DACH2: variants seen among roughly 807,000 people sequenced by gnomAD.
DACH2 encodes the protein dachshund homolog 2.
A neutral mutation model predicts 35.8 loss-of-function variants in DACH2; 17 were observed. The observed-to-expected ratio is 0.48, with a 90% confidence interval of 0.33 to 0.71. The LOEUF is 0.71. Ranked by LOEUF, DACH2 falls within the 30% of genes least tolerant of loss-of-function variation. DACH2 has a pLI of 0.02. For missense variants in DACH2, 469 were observed against 472.7 expected, an observed-to-expected ratio of 0.99 and a Z score of 0.07; for synonymous variants, 195 against 177.3, an observed-to-expected ratio of 1.10 and a Z score of -0.79.
At chrX:86,466,509 C>T (rs929393750) in intron 2 of DACH2, among the ~76,000 whole-genome samples, 6 of 111,308 alleles carry the variant, frequency 5.4e-5, no homozygotes, top group Non-Finnish European at 1.1e-4. Context: ...AATCATGCTT[C>T]CCAACAGTCC....
At chrX:86,663,148 C>T (rs1432404893) in intron 4 of DACH2, among the ~76,000 whole-genome samples, 2 of 110,957 alleles carry the variant, frequency 1.8e-5, no homozygotes, top group Non-Finnish European at 3.8e-5. Flanking sequence ...CATTGACTCT[C>T]GGAGTAAAAA....
intron 1 of DACH2, among the ~76,000 whole-genome samples, chrX:86,196,947 G>T (rs1403589327): frequency 3.6e-5 from 4 of 109,871 alleles, no homozygotes; most frequent in African/African-American, 1.0e-4. Context: ...CCATCCCGAA[G>T]ACACATAATC....
At position 86,777,062 on chromosome X, in the gene DACH2, C is replaced by T. The variant is rs1009299619; in HGVS notation, c.1241-35794C>T. Among the ~76,000 whole-genome samples, 6 of 111,576 alleles carry T rather than the reference C, an allele frequency of 5.4e-5. No individual in the cohort carries two copies. In the South Asian group the frequency reaches 2.3e-3, roughly 42 times the overall value. On this transcript the variant is annotated intron_variant, in intron 7 of 11. Coordinates refer to ENST00000373125, the MANE Select transcript of DACH2 (RefSeq NM_053281.3). Reference sequence around the variant, plus strand: ...GCAGTAAACATACGTGTGCATGTGTCTTTATAGCAGCATGATTTATAATCC... The same window carrying T: ...GCAGTAAACATACGTGTGCATGTGTTTTTATAGCAGCATGATTTATAATCC...
chrX:86,254,807 T>TATATATATATAGAGAGAGAGAGAGAG (rs1380613474), intron 1 of DACH2, among the ~76,000 whole-genome samples: 1 of 49,652 alleles, frequency 2.0e-5, no homozygotes, highest in African/African-American at 1.2e-4. Context: ...TATATATATA[T>TATATATATATAGAGAGAGAGAGAGAG]AGAGAGAGAG....
At chrX:86,195,164 C>T (rs1262140575) in intron 1 of DACH2, among the ~76,000 whole-genome samples, 1 of 112,479 alleles carries the variant, frequency 8.9e-6, no homozygotes, top group African/African-American at 3.2e-5. Context: ...GCCTGCCAGC[C>T]AGAATAGTGT....
intron 1 of DACH2, among the ~76,000 whole-genome samples, chrX:86,349,279 G>A (rs913268008): frequency 1.8e-5 from 2 of 111,613 alleles, no homozygotes; most frequent in African/African-American, 3.3e-5. Flanking sequence ...GCCAAACTCC[G>A]CATCATTTCG....
At chrX:86,468,458 C>CT (rs2037709167) in intron 2 of DACH2, among the ~76,000 whole-genome samples, 3 of 111,121 alleles carry the variant, frequency 2.7e-5, no homozygotes, top group Non-Finnish European at 1.9e-5. Context: ...TTTTAGCAGA[C>CT]TGTATCCCAC....
At chrX:86,443,166 C>A (rs2037199643) in intron 2 of DACH2, among the ~76,000 whole-genome samples, 1 of 111,515 alleles carries the variant, frequency 9.0e-6, no homozygotes, top group Non-Finnish European at 1.9e-5. Flanking sequence ...GACGTTTTTA[C>A]AATATTAATT....
chrX:86,157,689 T>G (rs992809462), intron 1 of DACH2, among the ~76,000 whole-genome samples: 1 of 111,604 alleles, frequency 9.0e-6, no homozygotes, highest in Non-Finnish European at 1.9e-5. Context: ...AGCAATATGT[T>G]AGTTTCTGAG....
At chrX:86,330,526 G>A (rs1010835960) in intron 1 of DACH2, among the ~76,000 whole-genome samples, 1 of 111,658 alleles carries the variant, frequency 9.0e-6, no homozygotes, top group African/African-American at 3.2e-5. Flanking sequence ...TATAGAAGGT[G>A]CAAGAGCTTG....
chrX:86,648,482 T>C (rs1385423215), intron 3 of DACH2, among the ~76,000 whole-genome samples: 1 of 111,305 alleles, frequency 9.0e-6, no homozygotes, highest in Non-Finnish European at 1.9e-5. Context: ...AAGAATTTAA[T>C]TGAACAGTTG....
chrX:86,327,831 C>G (rs2035143101), intron 1 of DACH2, among the ~76,000 whole-genome samples: 1 of 111,442 alleles, frequency 9.0e-6, no homozygotes, highest in South Asian at 3.7e-4. Flanking sequence ...CAAGCTTATT[C>G]TTGATTTTCT....
At chrX:86,829,470 ACTC>A (rs1187950025) in intron 11 of DACH2, 1 of 111,519 alleles carries the variant, frequency 9.0e-6, no homozygotes, top group Non-Finnish European at 1.9e-5. Flanking sequence ...AACTATGAGG[ACTC>A]CTCATGTGTA....
At chrX:86,657,399 A>G (rs191543404) in intron 4 of DACH2, among the ~76,000 whole-genome samples, 28 of 111,220 alleles carry the variant, frequency 2.5e-4, no homozygotes, top group African/African-American at 9.1e-4. Flanking sequence ...TTAAAAACCT[A>G]GTTAGATCCA....
At chrX:86,483,952 T>G (rs193068172) in intron 2 of DACH2, among the ~76,000 whole-genome samples, 3 of 112,009 alleles carry the variant, frequency 2.7e-5, no homozygotes, top group African/African-American at 9.7e-5. Context: ...TCTCTATTTT[T>G]GTGCGTGTAT....
intron 1 of DACH2, chrX:86,160,512 A>G: frequency 1.9e-6 from 1 of 532,072 alleles, no homozygotes; most frequent in Non-Finnish European, 3.4e-6. Flanking sequence ...GCAAACTTGC[A>G]TGCAGTGTGA....
chrX:86,722,038 C>G (rs2041412512), intron 6 of DACH2, among the ~76,000 whole-genome samples: 1 of 112,032 alleles, frequency 8.9e-6, no homozygotes, highest in African/African-American at 3.3e-5. Context: ...TGTGGGGACA[C>G]AGAGCCAGAC....
In DACH2 at chrX:86,373,875, T is replaced by C. The variant is rs898711892; in HGVS notation, c.489-2949T>C. 1.3e-4 allele frequency among the ~76,000 whole-genome samples: 15 copies of C among 111,869 alleles called. 1 individual carries two copies. The highest frequency in any genetic ancestry group is 1.2e-3 in the Admixed American group (13 of 10,494). On this transcript the variant is annotated intron_variant, in intron 1 of 11. Transcript: ENST00000373125. ...AAACTTGACTGTATCTTTAAAATGC[T>C]CTGTTTGAAGTACTTTCCTTTGTTT... is the stretch of plus-strand genomic sequence containing the variant.
intron 3 of DACH2, among the ~76,000 whole-genome samples, chrX:86,614,576 TC>T (rs894609503): frequency 2.7e-5 from 3 of 111,487 alleles, no homozygotes; most frequent in African/African-American, 6.5e-5. Flanking sequence ...CTGTTCAGTA[TC>T]TTTTTTTACC....
Sources: gnomAD v4.1 joint callset for allele counts (sites outside exome capture counted in the v4.1 genomes callset) on GRCh38, gnomAD v4.1.1 for gene constraint, MANE v1.5 for transcripts, NCBI Gene and HGNC (gene_info 2026-07-23, HGNC 2026-07-21) for gene names.